The following EYA2 variants were observed in gnomAD, a reference collection of about 807,000 sequenced individuals.
The protein encoded by EYA2 is protein phosphatase EYA2.
Under a neutral mutation model 69.2 loss-of-function variants are expected in EYA2, and 31 were observed. The observed-to-expected ratio is 0.45, with a 90% CI of 0.34 to 0.60. The LOEUF (loss-of-function observed/expected upper bound fraction) is 0.60. EYA2 is among the 20% of genes least tolerant of loss of function. EYA2 has a pLI of 0.02. For synonymous variants in EYA2, 257 were observed against 279.4 expected, an observed-to-expected ratio of 0.92 and a Z score of 0.80; for missense variants, 622 against 701.2, an observed-to-expected ratio of 0.89 and a Z score of 1.28.
intron 1 of EYA2, among the ~76,000 whole-genome samples, chr20:46,911,464 G>T (rs749774898): frequency 6.6e-5 from 10 of 152,178 alleles, no homozygotes; most frequent in African/African-American, 9.7e-5. Context: ...GCTGATTTTT[G>T]ATTTAGTCCT....
At chr20:47,093,232 G>C (rs979521633) in intron 8 of EYA2, among the ~76,000 whole-genome samples, 2 of 152,182 alleles carry the variant, frequency 1.3e-5, no homozygotes. Flanking sequence ...AATGAAACCA[G>C]GTCCTGGTAA....
At chr20:47,011,987 C>T (rs529393517) in intron 4 of EYA2, among the ~76,000 whole-genome samples, 1 of 149,710 alleles carries the variant, frequency 6.7e-6, no homozygotes, top group African/African-American at 2.6e-5. Context: ...GTATGCTTCT[C>T]CTCTGCTGTG....
intron 1 of EYA2, among the ~76,000 whole-genome samples, chr20:46,945,935 C>T (rs955517924): frequency 6.6e-6 from 1 of 152,148 alleles, no homozygotes; most frequent in Non-Finnish European, 1.5e-5. Context: ...AGCTGTCTCA[C>T]GCTGGCTTGC....
At chr20:47,063,860 G>A (rs1161150687) in intron 5 of EYA2, among the ~76,000 whole-genome samples, 2 of 152,226 alleles carry the variant, frequency 1.3e-5, no homozygotes, top group African/African-American at 4.8e-5. Flanking sequence ...CAATACATCT[G>A]TGCTTTTGTT....
chr20:47,012,452 T>C (rs1266182142), intron 4 of EYA2, among the ~76,000 whole-genome samples: 2 of 152,248 alleles, frequency 1.3e-5, no homozygotes, highest in East Asian at 1.9e-4. Flanking sequence ...TGGACTAATA[T>C]TTTAGTAAAA....
At chr20:47,083,453 C>T (rs2031789692) in intron 7 of EYA2, among the ~76,000 whole-genome samples, 1 of 151,800 alleles carries the variant, frequency 6.6e-6, no homozygotes, top group Non-Finnish European at 1.5e-5. Context: ...TGGCGCACAC[C>T]TGTAATCCCA....
At chr20:46,916,470 A>G (rs1034545148) in intron 1 of EYA2, among the ~76,000 whole-genome samples, 4 of 151,938 alleles carry the variant, frequency 2.6e-5, no homozygotes, top group African/African-American at 9.7e-5. Context: ...GTGTGTGTGT[A>G]TCTGAGTATG....
At chr20:47,062,677 A>G (rs4810604) in intron 5 of EYA2, among the ~76,000 whole-genome samples, 60,377 of 151,870 alleles carry the variant, frequency 0.4, 13,152 homozygotes, top group African/African-American at 0.58. Context: ...GGTTCGTGTT[A>G]CATGGGAGGG....
At chr20:47,018,159 C>A (rs566400130) in intron 5 of EYA2, among the ~76,000 whole-genome samples, 2 of 152,280 alleles carry the variant, frequency 1.3e-5, no homozygotes, top group Admixed American at 6.5e-5. Context: ...TTTTTTCCAG[C>A]TCTTTAAATA....
intron 1 of EYA2, among the ~76,000 whole-genome samples, chr20:46,948,038 GC>G (rs1978569136): frequency 6.7e-6 from 1 of 149,380 alleles, no homozygotes; most frequent in East Asian, 2.0e-4. Context: ...GATCGCTTGA[GC>G]CCAGGAGGTC....
intron 5 of EYA2, among the ~76,000 whole-genome samples, chr20:47,037,406 C>T (rs776280602): frequency 1.3e-5 from 2 of 152,198 alleles, no homozygotes; most frequent in African/African-American, 2.4e-5. Flanking sequence ...AGAAGCACTC[C>T]GTGTTCATTG....
At chr20:46,898,794 C>T (rs563645430) in intron 1 of EYA2, among the ~76,000 whole-genome samples, 3 of 152,028 alleles carry the variant, frequency 2.0e-5, no homozygotes, top group Non-Finnish European at 4.4e-5. Flanking sequence ...TTCTTTACGG[C>T]GTGTGATTTA....
At chr20:47,155,329 A>C (rs2033902156) in intron 10 of EYA2, among the ~76,000 whole-genome samples, 1 of 152,020 alleles carries the variant, frequency 6.6e-6, no homozygotes, top group Non-Finnish European at 1.5e-5. Context: ...GAGGTGATCA[A>C]AGCAATGTGC....
At chr20:46,930,823 G>T (rs1366433732) in intron 1 of EYA2, among the ~76,000 whole-genome samples, 3 of 152,340 alleles carry the variant, frequency 2.0e-5, no homozygotes, top group South Asian at 2.1e-4. Context: ...GCCAGGCACT[G>T]TGCCAGGAAC....
chr20:47,179,694 C>G, intron 12 of EYA2, 104 bp from the exon 13 acceptor site: 1 of 725,424 alleles, frequency 1.4e-6, no homozygotes. Context: ...GGGTTGTCAT[C>G]TGATTTTAAC....
chr20:47,169,610 C>G (rs2146650749), intron 11 of EYA2, among the ~76,000 whole-genome samples: 1 of 152,302 alleles, frequency 6.6e-6, no homozygotes, highest in South Asian at 2.1e-4. Context: ...TTCCTGCTTA[C>G]TGAAGTAATG....
chr20:47,144,393 A>C (rs2033661505), intron 10 of EYA2, among the ~76,000 whole-genome samples: 1 of 152,166 alleles, frequency 6.6e-6, no homozygotes, highest in Admixed American at 6.5e-5. Flanking sequence ...GCAATCTAAA[A>C]TAAAACTGTA....
intron 10 of EYA2, among the ~76,000 whole-genome samples, chr20:47,164,212 G>A (rs1297428862): frequency 6.6e-6 from 1 of 152,172 alleles, no homozygotes; most frequent in Non-Finnish European, 1.5e-5. Flanking sequence ...CCTCCGAGCT[G>A]GCTCAAGGGG....
intron 10 of EYA2, chr20:47,161,358 C>T (rs1409139997): frequency 4.4e-6 from 2 of 451,884 alleles, no homozygotes; most frequent in African/African-American, 4.0e-5. Context: ...TCCCTTGAGC[C>T]TGGTGCGCTG....
Sources: gnomAD v4.1 joint callset for allele counts (sites outside exome capture counted in the v4.1 genomes callset) on GRCh38, gnomAD v4.1.1 for gene constraint, MANE v1.5 for transcripts, NCBI Gene and HGNC (gene_info 2026-07-23, HGNC 2026-07-21) for gene names.